EVC2: variants seen among roughly 807,000 people sequenced by gnomAD.
The protein encoded by EVC2 is limbin.
Under a neutral mutation model 149.3 loss-of-function variants are expected in EVC2, and 148 were observed. The ratio of observed to expected loss-of-function variants is 0.99; its 90% CI spans 0.87 to 1.14. The LOEUF is 1.14. Ranked by LOEUF, EVC2 falls within the 50% of genes most tolerant of loss-of-function variation. The pLI is 0.00. For missense variants in EVC2, 1,854 were observed against 1,627.3 expected (o/e 1.14, Z -2.40); for synonymous variants, 776 against 649.9 (o/e 1.19, Z -2.95).
intron 17 of EVC2, 31 bp downstream of exon 17, chr4:5,584,592 T>TC (rs1404078879): frequency 6.2e-7 from 1 of 1,601,350 alleles, no homozygotes; most frequent in African/African-American, 1.3e-5. Context: ...CCCAGCTCTG[T>TC]CCCCCTCTCC....
At chr4:5,705,674 T>C (rs1001379492) in intron 1 of EVC2, among the ~76,000 whole-genome samples, 12 of 152,192 alleles carry the variant, frequency 7.9e-5, no homozygotes, top group African/African-American at 2.9e-4. Flanking sequence ...GATTCTCAAA[T>C]CTGCTTGTAC....
chr4:5,650,604 CATATATATATATATAT>C (rs66673359), intron 9 of EVC2, among the ~76,000 whole-genome samples: 801 of 53,068 alleles, frequency 0.015, 21 homozygotes, highest in Middle Eastern at 0.029. Context: ...TTTTAATCGC[CATATATATATATATAT>C]ATATATATAT....
intron 17 of EVC2, among the ~76,000 whole-genome samples, chr4:5,581,396 A>T (rs533884757): frequency 1.3e-5 from 2 of 152,344 alleles, no homozygotes; most frequent in African/African-American, 4.8e-5. Context: ...AATGAATTCT[A>T]GGCTGAGGAG....
At chr4:5,591,172 C>G (rs551160572) in intron 16 of EVC2, among the ~76,000 whole-genome samples, 3 of 152,178 alleles carry the variant, frequency 2.0e-5, no homozygotes, top group Non-Finnish European at 4.4e-5. Flanking sequence ...ATATTCATGA[C>G]TCCTCCTATA....
intron 13 of EVC2, among the ~76,000 whole-genome samples, chr4:5,623,794 ATTTT>A (rs1715910224): frequency 2.0e-5 from 3 of 152,168 alleles, no homozygotes; most frequent in South Asian, 4.1e-4. Context: ...CAAAGCAGGT[ATTTT>A]ACCCTCTCTG....
rs1722527105 is a variant in EVC2, at chr4:5,569,632, G to C, written c.3361-992C>G. Among the ~76,000 whole-genome samples, 1 of 152,160 alleles carries C rather than the reference G, an allele frequency of 6.6e-6. No individual in the cohort carries two copies. Among genetic ancestry groups the C allele is most frequent in the East Asian group, 1.9e-4 (1 of 5,138 alleles). The stretch of plus-strand genomic sequence containing the variant: ...TGAGAAGGAGCAGTGTCCAGCCAGG[G>C]GCCTGTGCAGGGGCAGGCAGGGGTG... On this transcript the variant is annotated intron_variant, in intron 19 of 21. Coordinates refer to ENST00000344408, the MANE Select transcript of EVC2 (RefSeq NM_147127.5). The surrounding 1 kb of genome is among the most constrained non-coding windows in gnomAD (Gnocchi z 4.8).
rs1715421603 is a variant in EVC2, at chr4:5,618,331, A to G, written c.2706+147T>C. 2 of 888,284 alleles carry G rather than the reference A, an allele frequency of 2.3e-6. No homozygotes were observed. The highest frequency in any genetic ancestry group is 1.8e-6 in the Non-Finnish European group (1 of 551,734). The allele number at this position is 888,284 out of a possible 1,614,324, so 55.0% of individuals were successfully genotyped here. On this transcript the variant is annotated intron_variant, in intron 15 of 21. Transcript: ENST00000344408. The surrounding 1 kb of genome is among the most constrained non-coding windows in gnomAD (Gnocchi z 4.4). ...GGACAGCCCTGGAGATTCCTGGAATAGCTGGACACCAATGCAGCCAGAGAG... is the reference window on the plus strand; with the variant it reads ...GGACAGCCCTGGAGATTCCTGGAATGGCTGGACACCAATGCAGCCAGAGAG...
intron 6 of EVC2, among the ~76,000 whole-genome samples, chr4:5,681,732 A>C (rs905343550): frequency 1.3e-5 from 2 of 151,886 alleles, no homozygotes; most frequent in Admixed American, 6.6e-5. Context: ...TTGATTCTCC[A>C]AGCCCCAACC....
intron 13 of EVC2, among the ~76,000 whole-genome samples, chr4:5,623,358 G>A (rs556801837): frequency 1.1e-3 from 158 of 145,974 alleles, no homozygotes; most frequent in African/African-American, 3.8e-3. Flanking sequence ...TTTTTTTTTT[G>A]AGACAGGGTC....
intron 9 of EVC2, among the ~76,000 whole-genome samples, chr4:5,649,060 C>A (rs1309619458): frequency 6.6e-6 from 1 of 152,130 alleles, no homozygotes; most frequent in African/African-American, 2.4e-5. Flanking sequence ...CGTATTTTTC[C>A]ATTCCCCTGA....
chr4:5,629,547 T>C (rs1204442437), intron 11 of EVC2, among the ~76,000 whole-genome samples: 1 of 152,240 alleles, frequency 6.6e-6, no homozygotes, highest in African/African-American at 2.4e-5. Flanking sequence ...TTTCTATCTG[T>C]GGAAATATCA....
At chr4:5,534,943 A>C in the EVC2 span, among the ~76,000 whole-genome samples, 20 of 152,294 alleles carry the variant, frequency 1.3e-4, no homozygotes, top group Middle Eastern at 3.4e-3. Flanking sequence ...AATTTAAAAA[A>C]AAAATTATCT....
At position 5,565,324 on chromosome 4, in the gene EVC2, T is replaced by G; in HGVS notation, c.3593A>C (p.Lys1198Thr). The change falls in exon 21 of 22, where the codon AAA becomes ACA. Residue 1198 changes from lysine (K) to threonine (T), a missense_variant. Physicochemically the swap from Lys to Thr is moderately conservative, Grantham distance 78 (BLOSUM62 -1). Transcript: ENST00000344408. ...HQSWWQALDGKLRGDLISRGL... is the reference protein window; with the variant it reads ...HQSWWQALDGTLRGDLISRGL... ...TCTGCTTATCAGATCTCCTCGCAGT[T>G]TGCCATCTAAGGCTTGCCACCAGCT... The G allele has an allele frequency of 6.2e-7, 1 of 1,614,108 alleles. No individual in the cohort carries two copies. The highest frequency in any genetic ancestry group is 2.2e-5 in the East Asian group (1 of 44,874).
intron 1 of EVC2, among the ~76,000 whole-genome samples, chr4:5,699,421 T>C (rs895772998): frequency 1.3e-5 from 2 of 152,142 alleles, no homozygotes; most frequent in African/African-American, 4.8e-5. Context: ...GCAGCATGAT[T>C]CAGAATTCCA....
intron 20 of EVC2, among the ~76,000 whole-genome samples, chr4:5,566,338 C>T (rs1385425293): frequency 2.6e-5 from 4 of 152,150 alleles, no homozygotes; most frequent in Non-Finnish European, 5.9e-5. Context: ...CCACACTGGG[C>T]CAGGCAGGCT....
chr4:5,706,583 G>A (rs1424509850), intron 1 of EVC2, among the ~76,000 whole-genome samples: 2 of 151,916 alleles, frequency 1.3e-5, no homozygotes, highest in African/African-American at 4.8e-5. Flanking sequence ...ACTGTGCTCT[G>A]GGAACAGCCC....
At chr4:5,629,527 C>T (rs555823280) in intron 11 of EVC2, among the ~76,000 whole-genome samples, 2 of 152,352 alleles carry the variant, frequency 1.3e-5, no homozygotes, top group East Asian at 3.9e-4. Context: ...GGACTGGCTT[C>T]GTTGTCCTTT....
chr4:5,698,373 T>A (rs1721618544), intron 1 of EVC2, among the ~76,000 whole-genome samples: 2 of 152,120 alleles, frequency 1.3e-5, no homozygotes, highest in African/African-American at 4.8e-5. Flanking sequence ...AGAACTGGAC[T>A]CTAGCTGGAA....
At chr4:5,656,654 TG>T (rs1305362056) in intron 9 of EVC2, among the ~76,000 whole-genome samples, 16 of 152,216 alleles carry the variant, frequency 1.1e-4, no homozygotes, top group Middle Eastern at 3.4e-3. Flanking sequence ...CAAGAAGTGC[TG>T]CAGCCTTGGA....
Sources: gnomAD v4.1 joint callset for allele counts (sites outside exome capture counted in the v4.1 genomes callset) on GRCh38, gnomAD v4.1.1 for gene constraint, Gnocchi (gnomAD v3.1) non-coding constraint, MANE v1.5 for transcripts, NCBI Gene and HGNC (gene_info 2026-07-23, HGNC 2026-07-21) for gene names.